RCC1: variants seen among roughly 807,000 people sequenced by gnomAD.
The protein encoded by RCC1 is regulator of chromosome condensation 1.
A neutral mutation model predicts 44.4 loss-of-function variants in RCC1; 11 were observed. The ratio of observed to expected loss-of-function variants is 0.25; its 90% CI spans 0.16 to 0.41. The LOEUF (loss-of-function observed/expected upper bound fraction) is 0.41, where lower values mean the gene tolerates loss of function less well. Ranked by LOEUF, RCC1 falls within the 10% of genes least tolerant of loss-of-function variation. The probability of loss-of-function intolerance (pLI) is 1.00; values close to 1 mark genes in which losing one functional copy is unlikely to be tolerated. For synonymous variants in RCC1, 213 were observed against 216.5 expected (o/e 0.98, Z 0.14); for missense variants, 386 against 547.1 (o/e 0.71, Z 2.94).
At chr1:28,534,638 G>A (rs1570223099) in intron 7 of RCC1, among the ~76,000 whole-genome samples, 1 of 151,996 alleles carries the variant, frequency 6.6e-6, no homozygotes, top group South Asian at 2.1e-4. Context: ...GTGCCACCAC[G>A]CCCAGCTAAT....
rs141534722 is a variant in RCC1, at chr1:28,535,073, G to A, written c.465G>A (p.Leu155=). 1 of 1,613,956 alleles carries A rather than the reference G, an allele frequency of 6.2e-7. No homozygotes were observed. The highest frequency in any genetic ancestry group is 1.3e-5 in the African/African-American group (1 of 74,898). The stretch of plus-strand genomic sequence containing the variant: ...AGGACAATAACGGTGTGATTGGACT[G>A]TTGGAGCCCATGAAGAAGAGCATGG... ...SFRDNNGVIG[L]LEPMKKSMVP... Residue 155 remains leucine, a synonymous_variant, in exon 8 of 13, where the codon CTG becomes CTA. Coordinates refer to ENST00000683442, the MANE Select transcript of RCC1 (RefSeq NM_001381865.2).
Position 28,514,318 on chromosome 1 carries a change from C to T in RCC1, c.-152-2407C>T, listed in dbSNP as rs111428609. Among the ~76,000 whole-genome samples, 87 of 151,486 alleles carry T rather than the reference C, an allele frequency of 5.7e-4. 2 individuals are homozygous for T. The highest frequency in any genetic ancestry group is 1.1e-3 in the Non-Finnish European group (73 of 67,860). On this transcript the variant is annotated intron_variant, in intron 3 of 12. Coordinates refer to ENST00000683442, the MANE Select transcript of RCC1 (RefSeq NM_001381865.2). ...ACAAAAAATTAGCCGGGCGTGGTGGCGGGTGCCTGTAGTCCCAGCTACTAG... is the reference window on the plus strand; with the variant it reads ...ACAAAAAATTAGCCGGGCGTGGTGGTGGGTGCCTGTAGTCCCAGCTACTAG...
intron 1 of RCC1, 26 bp from the exon 2 acceptor site, chr1:28,508,102 T>C: frequency 2.3e-6 from 1 of 442,050 alleles, no homozygotes; most frequent in South Asian, 1.6e-5. Context: ...TTTGCTGTAC[T>C]AATAGATTAA....
chr1:28,517,763 TG>T (rs147368359), intron 4 of RCC1, among the ~76,000 whole-genome samples: 3,522 of 152,176 alleles, frequency 0.023, 129 homozygotes, highest in African/African-American at 0.081. Flanking sequence ...TGGGTTCTCG[TG>T]GTTCCCTGTC....
chr1:28,538,093 C>T lies in RCC1; in HGVS notation c.*86C>T. The T allele has an allele frequency of 7.9e-7, 1 of 1,269,398 alleles. No homozygotes were observed. The highest frequency in any genetic ancestry group is 1.1e-6 in the Non-Finnish European group (1 of 909,020). 78.6% of individuals were successfully genotyped at this position (1,269,398 alleles called of 1,614,324 possible). ...GTGACAGCTGCAGATGGCAGCGGGC[C>T]TCTCCCCAGCCCTGAGCACTGTGTC... is the stretch of plus-strand genomic sequence containing the variant. On this transcript the variant is annotated 3_prime_UTR_variant, in exon 13 of 13. Transcript: ENST00000683442.
At position 28,535,417 on chromosome 1, in the gene RCC1, C is replaced by T. The variant is rs1283179225; in HGVS notation, c.661+37C>T. ...TGGTACCTCCAGCAGGGCAAATTGG[C>T]AGGCCACCCCCACAGTGAAGGCCAA... is the stretch of plus-strand genomic sequence containing the variant. On this transcript the variant is annotated intron_variant, in intron 9 of 12. Transcript: ENST00000683442. 2.5e-6 allele frequency: 4 copies of T among 1,610,436 alleles called. No homozygotes were observed. In the African/African-American group the frequency reaches 4.0e-5, roughly 16 times the overall value.
At chr1:28,515,019 T>G (rs1277275218) in intron 3 of RCC1, among the ~76,000 whole-genome samples, 1 of 152,154 alleles carries the variant, frequency 6.6e-6, no homozygotes, top group Non-Finnish European at 1.5e-5. Context: ...GGCTCACTCC[T>G]GTAATTCCAA....
At chr1:28,513,180 T>A (rs1662669519) in intron 3 of RCC1, among the ~76,000 whole-genome samples, 2 of 151,880 alleles carry the variant, frequency 1.3e-5, no homozygotes, top group Non-Finnish European at 2.9e-5. Context: ...GGAATTACAG[T>A]CACGCACCAC....
At chr1:28,534,839 A>T (rs1664440673) in intron 7 of RCC1, among the ~76,000 whole-genome samples, 1 of 152,204 alleles carries the variant, frequency 6.6e-6, no homozygotes, top group African/African-American at 2.4e-5. Context: ...TTGTGGCCAG[A>T]CTTGTTTATC....
chr1:28,516,973 T>C, intron 4 of RCC1, 106 bp downstream of exon 4: 1 of 417,910 alleles, frequency 2.4e-6, no homozygotes, highest in South Asian at 1.7e-5. Flanking sequence ...ATACGAAAAT[T>C]AGCCAGGCTT....
intron 1 of RCC1, chr1:28,506,984 G>A: frequency 6.1e-6 from 1 of 164,726 alleles, no homozygotes. Context: ...GAAGCATTGC[G>A]TTTCGTAATT....
rs368050671 is a variant in RCC1, at chr1:28,514,145, AGACTCC to A, written c.-152-2578_-152-2573del. 3.8e-3 allele frequency among the ~76,000 whole-genome samples: 578 copies of A among 151,694 alleles called. 2 individuals carry two copies. The highest frequency in any genetic ancestry group is 0.013 in the African/African-American group (534 of 41,372). On this transcript the variant is annotated intron_variant, in intron 3 of 12. Coordinates refer to ENST00000683442, the MANE Select transcript of RCC1 (RefSeq NM_001381865.2). ...TCGTGCCAGCCTAGGCAACAGAGCA[AGACTCC>A]GTCTCAAAAAAAAAAAAGGCGGGGC...
intron 4 of RCC1, among the ~76,000 whole-genome samples, chr1:28,521,051 C>T (rs1186497971): frequency 1.3e-5 from 2 of 151,600 alleles, no homozygotes; most frequent in Non-Finnish European, 2.9e-5. Context: ...TGAACTCCAG[C>T]TTGGGCAACA....
At chr1:28,528,844 C>CT (rs59005617) in intron 4 of RCC1, among the ~76,000 whole-genome samples, 17,966 of 87,232 alleles carry the variant, frequency 0.21, 2,944 homozygotes, top group African/African-American at 0.41. Context: ...GTTTTTCTTC[C>CT]TTTTTTTTTT....
chr1:28,514,819 A>G (rs1662793641), intron 3 of RCC1, among the ~76,000 whole-genome samples: 1 of 152,122 alleles, frequency 6.6e-6, no homozygotes, highest in Non-Finnish European at 1.5e-5. Flanking sequence ...AATCCATCCC[A>G]GCACTTTGGG....
At position 28,529,847 on chromosome 1, in the gene RCC1, C is replaced by G; in HGVS notation, c.-9-11C>G. 2 of 1,611,644 alleles carry G rather than the reference C, an allele frequency of 1.2e-6. No homozygotes were observed. Among genetic ancestry groups the G allele is most frequent in the Non-Finnish European group, 1.7e-6 (2 of 1,177,864 alleles). On this transcript the variant is annotated splice_polypyrimidine_tract_variant and intron_variant, in intron 4 of 12. Transcript: ENST00000683442. ...GCCATTTCTCATATGTAGTATTTGA[C>G]TGACTTTCAGGACAGGAAGATGTCA... is the stretch of plus-strand genomic sequence containing the variant.
rs1413187570 is a variant in RCC1, at chr1:28,535,394, G to C, written c.661+14G>C. ...GGCAAGGCCTCGGTAAGTGGCCTTGGTACCTCCAGCAGGGCAAATTGGCAG... is the reference window on the plus strand; with the variant it reads ...GGCAAGGCCTCGGTAAGTGGCCTTGCTACCTCCAGCAGGGCAAATTGGCAG... On this transcript the variant is annotated intron_variant, in intron 9 of 12. Transcript: ENST00000683442. The C allele has an allele frequency of 1.2e-6, 2 of 1,613,612 alleles. No individual in the cohort carries two copies. Among genetic ancestry groups the C allele is most frequent in the Non-Finnish European group, 8.5e-7 (1 of 1,179,806 alleles).
intron 4 of RCC1, among the ~76,000 whole-genome samples, chr1:28,523,670 T>C (rs1231550736): frequency 6.6e-6 from 1 of 152,170 alleles, no homozygotes; most frequent in Non-Finnish European, 1.5e-5. Context: ...CATAATTGTT[T>C]CCTGCTTTTT....
intron 3 of RCC1, among the ~76,000 whole-genome samples, chr1:28,512,368 T>A (rs1662616975): frequency 6.6e-6 from 1 of 152,170 alleles, no homozygotes; most frequent in East Asian, 1.9e-4. Context: ...TCTGGTTATT[T>A]TCCATTTTAT....
Sources: gnomAD v4.1 joint callset for allele counts (sites outside exome capture counted in the v4.1 genomes callset) on GRCh38, gnomAD v4.1.1 for gene constraint, MANE v1.5 for transcripts, NCBI Gene and HGNC (gene_info 2026-07-23, HGNC 2026-07-21) for gene names.